Variants in CTIF observed in about 807,000 individuals in gnomAD.
CTIF encodes cap binding complex dependent translation initiation factor, also known as CBP80/20-dependent translation initiation factor.
Under a neutral mutation model 66.0 loss-of-function variants are expected in CTIF, and 21 were observed. That is an observed-to-expected ratio of 0.32 (90% CI 0.23 to 0.46). The LOEUF (loss-of-function observed/expected upper bound fraction) is 0.46, where lower values mean the gene tolerates loss of function less well. CTIF is among the 20% of genes least tolerant of loss of function. The pLI is 1.00. For missense variants in CTIF, 739 were observed against 812.7 expected (o/e 0.91, Z 1.10); for synonymous variants, 345 against 326.4 (o/e 1.06, Z -0.62).
intron 10 of CTIF, among the ~76,000 whole-genome samples, chr18:48,838,128 A>T (rs1015633810): frequency 3.9e-5 from 6 of 152,052 alleles, no homozygotes; most frequent in Non-Finnish European, 8.8e-5. Flanking sequence ...AAGTAGGAAG[A>T]GTTCTCACTT....
At chr18:48,615,531 C>T (rs767701100) in intron 1 of CTIF, among the ~76,000 whole-genome samples, 3 of 152,150 alleles carry the variant, frequency 2.0e-5, no homozygotes, top group Admixed American at 6.6e-5. Flanking sequence ...AGGGGAGGAC[C>T]GACAAGTGAG....
chr18:48,744,883 C>A (rs989432326), intron 7 of CTIF, among the ~76,000 whole-genome samples: 6 of 150,986 alleles, frequency 4.0e-5, no homozygotes, highest in Admixed American at 6.6e-5. Context: ...AGTGCAGTGG[C>A]GCAATCTTGG....
At chr18:48,658,470 A>G (rs1433645461) in intron 3 of CTIF, among the ~76,000 whole-genome samples, 1 of 151,756 alleles carries the variant, frequency 6.6e-6, no homozygotes, top group African/African-American at 2.4e-5. Flanking sequence ...GGATGTGTAT[A>G]TTGTATAAGT....
At chr18:48,560,726 G>A (rs2089138834) in intron 1 of CTIF, among the ~76,000 whole-genome samples, 1 of 151,970 alleles carries the variant, frequency 6.6e-6, no homozygotes, top group South Asian at 2.1e-4. Flanking sequence ...TCACACCACT[G>A]TACCCCACAA....
chr18:48,553,856 TTTC>T (rs1346512639), intron 1 of CTIF, among the ~76,000 whole-genome samples: 1 of 150,928 alleles, frequency 6.6e-6, no homozygotes, highest in Non-Finnish European at 1.5e-5. Flanking sequence ...AGAGACAGGG[TTTC>T]CCTGTGTTAG....
At chr18:48,540,935 A>G (rs939184561) in intron 1 of CTIF, among the ~76,000 whole-genome samples, 1 of 152,006 alleles carries the variant, frequency 6.6e-6, no homozygotes, top group South Asian at 2.1e-4. Context: ...TCTTCGGTGC[A>G]GGAGTCCCAG....
chr18:48,616,482 G>A (rs1361827639), intron 1 of CTIF, among the ~76,000 whole-genome samples: 1 of 152,218 alleles, frequency 6.6e-6, no homozygotes, highest in Non-Finnish European at 1.5e-5. Flanking sequence ...CAGGCCACCA[G>A]GAGTGGGGAT....
intron 3 of CTIF, among the ~76,000 whole-genome samples, chr18:48,645,484 C>G (rs1352693079): frequency 6.6e-6 from 1 of 152,168 alleles, no homozygotes; most frequent in East Asian, 1.9e-4. Context: ...CAAGTGGGAG[C>G]TCAGATCCCA....
intron 7 of CTIF, among the ~76,000 whole-genome samples, chr18:48,741,148 A>T (rs2092549346): frequency 6.6e-6 from 1 of 152,118 alleles, no homozygotes; most frequent in African/African-American, 2.4e-5. Context: ...TGTTGTTATT[A>T]TTGTTAGAGA....
At chr18:48,670,542 C>G in intron 5 of CTIF, 127 bp from the exon 6 acceptor site, 1 of 802,290 alleles carries the variant, frequency 1.2e-6, no homozygotes, top group South Asian at 1.5e-5. Flanking sequence ...GTGGGACAGC[C>G]CCTGCAGGGC....
chr18:48,593,777 T>C (rs758029193), intron 1 of CTIF, among the ~76,000 whole-genome samples: 4 of 151,894 alleles, frequency 2.6e-5, no homozygotes, highest in Non-Finnish European at 5.9e-5. Context: ...TATTCTTATT[T>C]ATAGATATAG....
At chr18:48,598,661 C>T (rs1203574492) in intron 1 of CTIF, among the ~76,000 whole-genome samples, 2 of 152,080 alleles carry the variant, frequency 1.3e-5, no homozygotes, top group African/African-American at 2.4e-5. Context: ...GTGGTGTGGG[C>T]GGGCAGGCTC....
At chr18:48,602,685 A>T (rs1271295154) in intron 1 of CTIF, among the ~76,000 whole-genome samples, 1 of 151,988 alleles carries the variant, frequency 6.6e-6, no homozygotes, top group East Asian at 1.9e-4. Context: ...GTAGCACTTG[A>T]CCCTTGATGT....
chr18:48,592,342 A>G (rs1184816464), intron 1 of CTIF, among the ~76,000 whole-genome samples: 2 of 151,910 alleles, frequency 1.3e-5, no homozygotes, highest in Non-Finnish European at 2.9e-5. Flanking sequence ...ACTAAAAACT[A>G]CAAAATTAGC....
chr18:48,811,607 T>C (rs2068260053), intron 9 of CTIF, among the ~76,000 whole-genome samples: 1 of 151,742 alleles, frequency 6.6e-6, no homozygotes, highest in South Asian at 2.1e-4. Flanking sequence ...TACTGTCGTT[T>C]CTGTTTATGG....
At chr18:48,818,507 C>T (rs886344391) in intron 10 of CTIF, among the ~76,000 whole-genome samples, 6 of 152,090 alleles carry the variant, frequency 3.9e-5, no homozygotes, top group South Asian at 2.1e-4. Flanking sequence ...GGGAACTGCC[C>T]GGAGGTTGGC....
At chr18:48,573,303 C>T (rs57816986) in intron 1 of CTIF, among the ~76,000 whole-genome samples, 10 of 152,262 alleles carry the variant, frequency 6.6e-5, no homozygotes, top group Middle Eastern at 3.4e-3. Context: ...CAGCAGAGCA[C>T]GGGACATCCC....
intron 3 of CTIF, among the ~76,000 whole-genome samples, chr18:48,638,551 C>T (rs569182431): frequency 6.6e-6 from 1 of 152,278 alleles, no homozygotes; most frequent in South Asian, 2.1e-4. Flanking sequence ...CCTTCCCCAC[C>T]TGCAGGAGGT....
intron 8 of CTIF, among the ~76,000 whole-genome samples, chr18:48,760,000 C>T (rs1256343542): frequency 6.6e-6 from 1 of 152,126 alleles, no homozygotes; most frequent in Non-Finnish European, 1.5e-5. Context: ...ACATTTTCAT[C>T]AGGGAGAGCA....
Sources: allele counts gnomAD v4.1 joint callset (sites outside exome capture counted in the v4.1 genomes callset), GRCh38; gene constraint gnomAD v4.1.1; transcripts MANE v1.5; gene names NCBI Gene and HGNC (gene_info 2026-07-23, HGNC 2026-07-21).